NTRK3: variants seen among roughly 807,000 people sequenced by gnomAD.
NTRK3 encodes neurotrophic receptor tyrosine kinase 3, also known as NT-3 growth factor receptor.
NTRK3 carries 24 observed loss-of-function variants against 91.7 expected under a neutral mutation model. The observed-to-expected ratio is 0.26, with a 90% CI of 0.19 to 0.37. The LOEUF (loss-of-function observed/expected upper bound fraction) is 0.37, where lower values mean the gene tolerates loss of function less well. NTRK3 is among the 10% of genes least tolerant of loss of function. The pLI, the probability that NTRK3 is intolerant of heterozygous loss-of-function variation, is 1.00. For missense variants in NTRK3, 880 were observed against 1,068.9 expected, an observed-to-expected ratio of 0.82 and a Z score of 2.46; for synonymous variants, 483 against 404.0, an observed-to-expected ratio of 1.20 and a Z score of -2.34.
intron 14 of NTRK3, among the ~76,000 whole-genome samples, chr15:87,946,697 A>C (rs1250714992): frequency 6.6e-6 from 1 of 151,984 alleles, no homozygotes; most frequent in African/African-American, 2.4e-5. Flanking sequence ...CATCACTGAG[A>C]CCTCACAGAT....
chr15:87,883,206 A>T (rs1596074122), intron 17 of NTRK3, among the ~76,000 whole-genome samples: 2 of 150,346 alleles, frequency 1.3e-5, no homozygotes, highest in East Asian at 3.9e-4. Flanking sequence ...TATATATGTG[A>T]AAAAAAGGAT....
intron 14 of NTRK3, among the ~76,000 whole-genome samples, chr15:87,981,769 C>A (rs765093108): frequency 6.6e-6 from 1 of 152,170 alleles, no homozygotes; most frequent in Non-Finnish European, 1.5e-5. Context: ...ATCCTGGACC[C>A]AAGACCCTCT....
At chr15:88,236,516 A>T (rs1206438986) in intron 3 of NTRK3, among the ~76,000 whole-genome samples, 8 of 8,880 alleles carry the variant, frequency 9.0e-4, no homozygotes, top group East Asian at 7.8e-3. Flanking sequence ...TCTATTATTA[A>T]AAAAAAAAAA....
intron 15 of NTRK3, among the ~76,000 whole-genome samples, chr15:87,938,504 A>G (rs2069506680): frequency 6.6e-6 from 1 of 152,198 alleles, no homozygotes; most frequent in Non-Finnish European, 1.5e-5. Context: ...TGACACGTGT[A>G]AAATCCCAGA....
At chr15:87,877,539 A>G (rs1321239764) in intron 18 of NTRK3, among the ~76,000 whole-genome samples, 1 of 152,024 alleles carries the variant, frequency 6.6e-6, no homozygotes, top group African/African-American at 2.4e-5. Context: ...TGAAACTGCC[A>G]TGAAGGAGCT....
intron 3 of NTRK3, among the ~76,000 whole-genome samples, chr15:88,205,419 C>T (rs2048659806): frequency 6.6e-6 from 1 of 152,182 alleles, no homozygotes; most frequent in Non-Finnish European, 1.5e-5. Flanking sequence ...CCCCAAGGTC[C>T]CACAGAGGTC....
chr15:88,178,411 G>A (rs536560190), intron 5 of NTRK3, among the ~76,000 whole-genome samples: 3 of 152,202 alleles, frequency 2.0e-5, no homozygotes, highest in South Asian at 2.1e-4. Context: ...TTTCCTATCC[G>A]CACAGCATCA....
chr15:87,962,995 C>A (rs1261743267), intron 14 of NTRK3, among the ~76,000 whole-genome samples: 1 of 152,188 alleles, frequency 6.6e-6, no homozygotes, highest in African/African-American at 2.4e-5. Context: ...TTGGCAACAT[C>A]TTGATGTTAC....
intron 13 of NTRK3, among the ~76,000 whole-genome samples, chr15:88,079,382 G>A (rs1386564462): frequency 6.6e-6 from 1 of 152,144 alleles, no homozygotes; most frequent in Non-Finnish European, 1.5e-5. Flanking sequence ...GAAAGCGGAC[G>A]GATATACCAG....
intron 14 of NTRK3, among the ~76,000 whole-genome samples, chr15:87,984,764 C>T (rs137957180): frequency 6.1e-4 from 93 of 152,166 alleles, no homozygotes; most frequent in African/African-American, 2.2e-3. Flanking sequence ...CTTGAAAGTC[C>T]GAGAGTTCTG....
Position 88,150,492 on chromosome 15 carries a change from C to A in NTRK3, c.396-3089G>T, listed in dbSNP as rs1443120046. On this transcript the variant is annotated intron_variant, in intron 5 of 18. Coordinates refer to ENST00000394480, the Ensembl canonical transcript of NTRK3. Reference sequence around the variant, plus strand: ...TAAGGGGGAAGTGGGCTCCTACTCTCCCAGGGCTGCCTTGGCTTCATCTCC... The same window carrying A: ...TAAGGGGGAAGTGGGCTCCTACTCTACCAGGGCTGCCTTGGCTTCATCTCC... 6.6e-5 allele frequency among the ~76,000 whole-genome samples: 10 copies of A among 152,298 alleles called. No homozygotes were observed. The East Asian group carries it at 1.4e-3, about 21-fold the overall frequency.
chr15:88,126,240 G>C (rs532100821), intron 13 of NTRK3, 31 bp downstream of exon 13: 5 of 1,447,568 alleles, frequency 3.5e-6, no homozygotes, highest in Non-Finnish European at 4.9e-6. Context: ...TTCCCCCCAT[G>C]ACGCCCTTGA....
intron 11 of NTRK3, 51 bp from the exon 12 acceptor site, chr15:88,127,277 A>C: frequency 6.6e-7 from 1 of 1,510,952 alleles, no homozygotes; most frequent in Non-Finnish European, 9.2e-7. Flanking sequence ...CCGGCTGGGG[A>C]GGCTCAGCCA....
rs142295323 is a variant in NTRK3, at chr15:87,974,654, G to C, written c.1586-33901C>G. On this transcript the variant is annotated intron_variant, in intron 14 of 18. Transcript: ENST00000394480. ...AATATCAAAAAGGCCATCATTGCTT[G>C]GGAATCTCACCAACTGTAAGACATG... Among the ~76,000 whole-genome samples, 446 of 152,224 alleles carry C rather than the reference G, an allele frequency of 2.9e-3. 1 individual carries two copies. The highest frequency in any genetic ancestry group is 9.9e-3 in the African/African-American group (411 of 41,536).
intron 14 of NTRK3, among the ~76,000 whole-genome samples, chr15:87,965,440 G>A (rs971233058): frequency 1.2e-4 from 19 of 152,166 alleles, no homozygotes; most frequent in African/African-American, 4.6e-4. Context: ...GCTGGTCACG[G>A]CATCCAGAAA....
intron 3 of NTRK3, among the ~76,000 whole-genome samples, chr15:88,239,974 T>C (rs1028627736): frequency 1.3e-5 from 2 of 152,068 alleles, no homozygotes; most frequent in African/African-American, 2.4e-5. Context: ...CCCTCGGTGA[T>C]GCGCATGCAC....
chr15:87,940,592 C>T (rs2142016544), intron 15 of NTRK3, 31 bp downstream of exon 15: 1 of 1,612,978 alleles, frequency 6.2e-7, no homozygotes. Context: ...GCCAGCCCTC[C>T]TCCTGGTGCC....
At chr15:87,978,408 G>T (rs1181631433) in intron 14 of NTRK3, 3 of 229,014 alleles carry the variant, frequency 1.3e-5, no homozygotes, top group African/African-American at 4.4e-5. Flanking sequence ...ATTCCATTGG[G>T]TTCCAAAAGT....
At chr15:88,207,949 G>A (rs1426081659) in intron 3 of NTRK3, among the ~76,000 whole-genome samples, 1 of 152,148 alleles carries the variant, frequency 6.6e-6, no homozygotes, top group Admixed American at 6.5e-5. Flanking sequence ...TGTGGATTCT[G>A]GGAGGCCAGC....
Sources: allele counts gnomAD v4.1 joint callset (sites outside exome capture counted in the v4.1 genomes callset), GRCh38; gene constraint gnomAD v4.1.1; transcripts MANE v1.5; gene names NCBI Gene and HGNC (gene_info 2026-07-23, HGNC 2026-07-21).